Variants in C1QTNF3 observed in about 807,000 individuals in gnomAD.
The protein encoded by C1QTNF3 is C1q and TNF related 3.
In C1QTNF3, 26 loss-of-function variants were observed where a neutral mutation model predicts 32.6. The observed-to-expected ratio is 0.80, with a 90% CI of 0.58 to 1.11. The LOEUF (loss-of-function observed/expected upper bound fraction) is 1.11. Among genes scored for constraint, C1QTNF3 ranks in the 50% least tolerant of loss-of-function variants. The pLI is 0.00. For missense variants in C1QTNF3, 362 were observed against 398.2 expected, an observed-to-expected ratio of 0.91 and a Z score of 0.77; for synonymous variants, 155 against 146.0, an observed-to-expected ratio of 1.06 and a Z score of -0.44.
the C1QTNF3 span, chr5:34,167,238 G>A: frequency 6.6e-6 from 1 of 152,062 alleles, no homozygotes; most frequent in Non-Finnish European, 1.5e-5. Context: ...AATTCTCTCC[G>A]TTCTCCATAG....
chr5:34,040,197 C>A (rs188856454), intron 1 of C1QTNF3, among the ~76,000 whole-genome samples: 2 of 152,138 alleles, frequency 1.3e-5, no homozygotes, highest in African/African-American at 2.4e-5. Flanking sequence ...TGTTTATCAT[C>A]CCCTTTCCCA....
chr5:34,092,940 A>C, the C1QTNF3 span, among the ~76,000 whole-genome samples: 1 of 151,994 alleles, frequency 6.6e-6, no homozygotes, highest in Non-Finnish European at 1.5e-5. Flanking sequence ...GATGTAGACT[A>C]TGATATGTTC....
At chr5:34,114,810 T>A in the C1QTNF3 span, among the ~76,000 whole-genome samples, 3 of 151,606 alleles carry the variant, frequency 2.0e-5, no homozygotes, top group African/African-American at 4.9e-5. Context: ...TTCTAACACA[T>A]CATTGTGCCC....
intron 1 of C1QTNF3, among the ~76,000 whole-genome samples, chr5:34,039,732 T>G (rs539990962): frequency 2.6e-5 from 4 of 152,354 alleles, no homozygotes; most frequent in Admixed American, 2.6e-4. Context: ...TCCACTACAG[T>G]CGTCTCGCAT....
the C1QTNF3 span, among the ~76,000 whole-genome samples, chr5:34,061,107 C>G: frequency 4.6e-5 from 7 of 152,160 alleles, no homozygotes; most frequent in African/African-American, 1.4e-4. Context: ...GCCAAAACAA[C>G]AAGGTTACAG....
chr5:34,130,947 C>T, the C1QTNF3 span, among the ~76,000 whole-genome samples: 1 of 152,314 alleles, frequency 6.6e-6, no homozygotes, highest in African/African-American at 2.4e-5. Context: ...ACACAGCATA[C>T]TTTATTTAAC....
In C1QTNF3 at chr5:34,023,956, C is replaced by A. The variant is rs1754402318; in HGVS notation, c.753G>T (p.Val251=). Reference sequence around the variant, plus strand: ...TGCCATTGTGCATAAGGTACACATACACTTCCTCAACATCCTCATGCTTCA... The same window carrying A: ...TGCCATTGTGCATAAGGTACACATAAACTTCCTCAACATCCTCATGCTTCA... ...SMMKHEDVEE[V]YVYLMHNGNT... The change falls in exon 5 of 6, where the codon GTG becomes GTT. Residue 251 remains valine, a synonymous_variant. Coordinates refer to ENST00000382065, the MANE Select transcript of C1QTNF3 (RefSeq NM_181435.6). 1.2e-6 allele frequency: 2 copies of A among 1,614,162 alleles called. No homozygotes were observed. Among genetic ancestry groups the A allele is most frequent in the Non-Finnish European group, 1.7e-6 (2 of 1,180,012 alleles).
chr5:34,028,776 A>G lies in C1QTNF3; in HGVS notation c.678T>C (p.Gly226=), dbSNP rs1754540763. 1.2e-6 allele frequency: 2 copies of G among 1,608,802 alleles called. No individual in the cohort carries two copies. Among genetic ancestry groups the G allele is most frequent in the East Asian group, 2.2e-5 (1 of 44,592 alleles). ...CACCTGATACTGGGGCCCCAAATCT[A>G]CCAGTCATGACATCAAAGAAGTTTC... is the stretch of plus-strand genomic sequence containing the variant. ...NIGNFFDVMT[G]RFGAPVSGVY... The change falls in exon 4 of 6, where the codon GGT becomes GGC. Residue 226 remains glycine, a synonymous_variant. Transcript: ENST00000382065.
upstream of C1QTNF3, chr5:34,043,590 T>G (rs1010089346): frequency 6.2e-6 from 1 of 160,700 alleles, no homozygotes; most frequent in Admixed American, 6.1e-5. Context: ...TTGTCTGAAA[T>G]AGCAGTGGGA....
chr5:34,213,924 G>A, the C1QTNF3 span, among the ~76,000 whole-genome samples: 8 of 145,202 alleles, frequency 5.5e-5, no homozygotes, highest in South Asian at 6.8e-4. Flanking sequence ...CAATTCTCCC[G>A]CCTCAGCCTC....
At chr5:34,138,843 C>A in the C1QTNF3 span, among the ~76,000 whole-genome samples, 2 of 152,090 alleles carry the variant, frequency 1.3e-5, no homozygotes, top group African/African-American at 2.4e-5. Flanking sequence ...ACACAAGCAT[C>A]ATTGTTTTAA....
At chr5:34,102,113 A>G in the C1QTNF3 span, among the ~76,000 whole-genome samples, 1 of 150,048 alleles carries the variant, frequency 6.7e-6, no homozygotes, top group Non-Finnish European at 1.5e-5. Context: ...ATTGATTTCT[A>G]AAAATCTAAT....
At chr5:34,072,925 C>A in the C1QTNF3 span, among the ~76,000 whole-genome samples, 2 of 152,082 alleles carry the variant, frequency 1.3e-5, no homozygotes, top group Non-Finnish European at 2.9e-5. Context: ...TATTCTAAGA[C>A]TTGGATTACA....
chr5:34,092,857 G>A, the C1QTNF3 span, among the ~76,000 whole-genome samples: 3 of 152,040 alleles, frequency 2.0e-5, no homozygotes, highest in South Asian at 6.2e-4. Context: ...GGTTTTCACT[G>A]AGCCTCAGAC....
the C1QTNF3 span, among the ~76,000 whole-genome samples, chr5:34,067,724 C>T: frequency 6.6e-6 from 1 of 152,104 alleles, no homozygotes; most frequent in Non-Finnish European, 1.5e-5. Flanking sequence ...CTAGGATTTT[C>T]TTCAAACATC....
the C1QTNF3 span, among the ~76,000 whole-genome samples, chr5:34,053,487 C>T: frequency 6.6e-6 from 1 of 152,234 alleles, no homozygotes; most frequent in Non-Finnish European, 1.5e-5. Context: ...TGTCTGTCTG[C>T]ATGCCTTCCT....
the C1QTNF3 span, among the ~76,000 whole-genome samples, chr5:34,148,163 C>T: frequency 8.1e-5 from 12 of 148,732 alleles, no homozygotes; most frequent in Middle Eastern, 3.5e-3. Flanking sequence ...TAAGAAACGG[C>T]GCACCACGAG....
chr5:34,035,653 T>C lies in C1QTNF3; in HGVS notation c.409A>G (p.Ile137Val). Residue 137 changes from isoleucine to valine, a missense_variant, in exon 2 of 6, where the codon ATT becomes GTT. Transcript: ENST00000382065. ...ATGTCTTGCTCATCCTTACCTGGAA[T>C]GCCAGGAGGGCCCGGTGGCCCAGGG... ...GPPGPPGPPG[I>V]PGNHGNNGNN... 2 of 1,608,844 alleles carry C rather than the reference T, an allele frequency of 1.2e-6. No homozygotes were observed. The highest frequency in any genetic ancestry group is 1.7e-6 in the Non-Finnish European group (2 of 1,176,396).
the C1QTNF3 span, among the ~76,000 whole-genome samples, chr5:34,209,837 C>T: frequency 6.6e-6 from 1 of 152,038 alleles, no homozygotes; most frequent in Non-Finnish European, 1.5e-5. Flanking sequence ...ATTCAAAAAT[C>T]TTTATCAGAT....
Sources: allele counts gnomAD v4.1 joint callset (sites outside exome capture counted in the v4.1 genomes callset), GRCh38; gene constraint gnomAD v4.1.1; transcripts MANE v1.5; gene names NCBI Gene and HGNC (gene_info 2026-07-23, HGNC 2026-07-21).